Variants in KIAA1549 observed in about 807,000 individuals in gnomAD.
KIAA1549 encodes KIAA1549, also known as UPF0606 protein KIAA1549.
A neutral mutation model predicts 156.4 loss-of-function variants in KIAA1549; 70 were observed. That is an observed-to-expected ratio of 0.45 (90% CI 0.37 to 0.55). The LOEUF (loss-of-function observed/expected upper bound fraction) is 0.55. Among genes scored for constraint, KIAA1549 ranks in the 20% least tolerant of loss-of-function variants. The probability of loss-of-function intolerance (pLI) is 0.00; values close to 1 mark genes in which losing one functional copy is unlikely to be tolerated. For missense variants in KIAA1549, 2,428 were observed against 2,540.9 expected (o/e 0.96, Z 0.96); for synonymous variants, 1,103 against 1,066.4 (o/e 1.03, Z -0.67).
chr7:138,857,404 A>G (rs1014423348), intron 16 of KIAA1549, among the ~76,000 whole-genome samples: 8 of 152,246 alleles, frequency 5.3e-5, no homozygotes, highest in African/African-American at 1.9e-4. Context: ...TAAATCTGCC[A>G]TGATGTACAA....
chr7:138,935,180 T>C (rs1812974752), intron 1 of KIAA1549, among the ~76,000 whole-genome samples: 1 of 152,048 alleles, frequency 6.6e-6, no homozygotes, highest in Non-Finnish European at 1.5e-5. Flanking sequence ...ATACTAATAC[T>C]GCAAGGCTTT....
chr7:138,981,211 C>G lies in KIAA1549; in HGVS notation c.59G>C (p.Gly20Ala). The stretch of plus-strand genomic sequence containing the variant: ...GCTCGGCCCCGGGGCCAGCGCGACC[C>G]CGGCGCGGGGCTTCCCCTCCATGGC... ...GAAMEGKPRAGVALAPGPSGR... is the reference protein window; with the variant it reads ...GAAMEGKPRAAVALAPGPSGR... Residue 20 changes from glycine (G) to alanine (A), a missense_variant, in exon 1 of 20, where the codon GGG (glycine) becomes GCG (alanine). By Grantham distance (60) the Gly-to-Ala change is moderately conservative. Coordinates refer to ENST00000422774, the MANE Select transcript of KIAA1549 (RefSeq NM_001164665.2). This position sits in a 1 kb window ranked among gnomAD's most constrained non-coding sequence, Gnocchi z 4.5. The G allele has an allele frequency of 9.8e-7, 1 of 1,019,826 alleles. No individual in the cohort carries two copies. Among genetic ancestry groups the G allele is most frequent in the Non-Finnish European group, 1.2e-6 (1 of 854,416 alleles). 63.2% of individuals were successfully genotyped at this position (1,019,826 alleles called of 1,614,324 possible). A position where few individuals can be genotyped will look rare whatever the true frequency, so the allele number is the denominator to read the frequency against.
chr7:138,880,217 G>A (rs1472208394), intron 11 of KIAA1549, among the ~76,000 whole-genome samples: 1 of 152,170 alleles, frequency 6.6e-6, no homozygotes, highest in Non-Finnish European at 1.5e-5. Context: ...TGACAATGTG[G>A]AATGCCAAGA....
intron 2 of KIAA1549, among the ~76,000 whole-genome samples, chr7:138,912,898 T>C (rs1489313929): frequency 6.6e-6 from 1 of 152,164 alleles, no homozygotes; most frequent in Non-Finnish European, 1.5e-5. Context: ...CTTTTCTTTT[T>C]GAGACCCGCT....
Position 138,917,196 on chromosome 7 carries a change from A to G in KIAA1549, c.2430T>C (p.Pro810=), listed in dbSNP as rs1223374621. 3.1e-6 allele frequency: 5 copies of G among 1,613,942 alleles called. No homozygotes were observed. The highest frequency in any genetic ancestry group is 2.7e-5 in the African/African-American group (2 of 75,050). ...TESSLFSTLT[P]PDDQISALDG... ...CTAGAGCACTGATTTGGTCGTCAGGAGGTGTCAGAGTTGAGAACAAAGAAG... is the reference window on the plus strand; with the variant it reads ...CTAGAGCACTGATTTGGTCGTCAGGGGGTGTCAGAGTTGAGAACAAAGAAG... Residue 810 remains proline, a synonymous_variant, in exon 2 of 20, where the codon CCT becomes CCC. Coordinates refer to ENST00000422774, the MANE Select transcript of KIAA1549 (RefSeq NM_001164665.2).
Position 138,837,825 on chromosome 7 carries a change from C to A in KIAA1549, c.*81G>T. Reference sequence around the variant, plus strand: ...GCCCGAGAGTTGCTCCTTCCTCTTCCAAACACCCACTCAGTTGATTTCCTT... The same window carrying A: ...GCCCGAGAGTTGCTCCTTCCTCTTCAAAACACCCACTCAGTTGATTTCCTT... On this transcript the variant is annotated 3_prime_UTR_variant, in exon 20 of 20. Transcript: ENST00000422774. The A allele has an allele frequency of 6.7e-7, 1 of 1,498,476 alleles. No homozygotes were observed. The highest frequency in any genetic ancestry group is 1.3e-5 in the South Asian group (1 of 75,412). 92.8% of individuals were successfully genotyped at this position (1,498,476 alleles called of 1,614,324 possible).
At chr7:138,862,845 G>A (rs897397225) in intron 15 of KIAA1549, among the ~76,000 whole-genome samples, 4 of 152,022 alleles carry the variant, frequency 2.6e-5, no homozygotes, top group South Asian at 2.1e-4. Context: ...CAGGAGAATC[G>A]CTTGAACCCA....
chr7:138,861,324 G>A lies in KIAA1549; in HGVS notation c.5062C>T (p.His1688Tyr). ...PSIEEARQTM[H>Y]SLLDDAFALV... is the part of the protein sequence containing the mutation. ...GCAAAGGCGTCGTCCAGGAGGGAGTGCATGGTCTGGCGTGCCTCCTCGATG... is the reference window on the plus strand; with the variant it reads ...GCAAAGGCGTCGTCCAGGAGGGAGTACATGGTCTGGCGTGCCTCCTCGATG... The change falls in exon 16 of 20, where the codon CAC becomes TAC. Residue 1688 changes from histidine to tyrosine, a missense_variant. Physicochemically the swap from His to Tyr is moderately conservative, Grantham distance 83. Coordinates refer to ENST00000422774, the MANE Select transcript of KIAA1549 (RefSeq NM_001164665.2). 1.2e-6 allele frequency: 2 copies of A among 1,608,818 alleles called. No homozygotes were observed. The highest frequency in any genetic ancestry group is 1.7e-6 in the Non-Finnish European group (2 of 1,178,312).
chr7:138,844,831 G>A (rs1810027920), intron 17 of KIAA1549, among the ~76,000 whole-genome samples: 2 of 151,796 alleles, frequency 1.3e-5, no homozygotes, highest in South Asian at 2.1e-4. Context: ...CACCCCAGAC[G>A]AATTGAAACA....
intron 1 of KIAA1549, among the ~76,000 whole-genome samples, chr7:138,949,998 C>T (rs904445543): frequency 1.3e-5 from 2 of 152,226 alleles, no homozygotes; most frequent in African/African-American, 2.4e-5. Context: ...TGCACAGGAA[C>T]AAGTTATCCC....
chr7:138,881,318 C>A, intron 11 of KIAA1549, 70 bp downstream of exon 11: 1 of 1,469,798 alleles, frequency 6.8e-7, no homozygotes, highest in Non-Finnish European at 9.3e-7. Context: ...CCTGTGACAT[C>A]AGAAACTCAC....
At chr7:138,892,238 GAGA>G (rs1811566125) in intron 10 of KIAA1549, among the ~76,000 whole-genome samples, 1 of 152,204 alleles carries the variant, frequency 6.6e-6, no homozygotes. Flanking sequence ...GTAAAAGTGA[GAGA>G]AGGAGAAAGC....
intron 17 of KIAA1549, among the ~76,000 whole-genome samples, chr7:138,848,523 G>A (rs1810144735): frequency 6.6e-6 from 1 of 152,154 alleles, no homozygotes; most frequent in Admixed American, 6.5e-5. Flanking sequence ...ATCCAATGTG[G>A]TTGTAATATG....
intron 12 of KIAA1549, among the ~76,000 whole-genome samples, chr7:138,879,312 G>A (rs1030523222): frequency 2.6e-5 from 4 of 152,280 alleles, no homozygotes; most frequent in African/African-American, 7.2e-5. Flanking sequence ...AGAGTGAAGC[G>A]AGGCTATTAA....
At chr7:138,927,182 T>C (rs184113780) in intron 1 of KIAA1549, among the ~76,000 whole-genome samples, 56 of 152,368 alleles carry the variant, frequency 3.7e-4, no homozygotes, top group African/African-American at 1.3e-3. Context: ...TTCCACCATA[T>C]GAATAGACCA....
chr7:138,877,942 T>C (rs1009618395), intron 12 of KIAA1549, among the ~76,000 whole-genome samples: 2 of 152,018 alleles, frequency 1.3e-5, no homozygotes, highest in African/African-American at 4.8e-5. Flanking sequence ...GAAAGTAAGG[T>C]TTTCTCAGAT....
intron 16 of KIAA1549, among the ~76,000 whole-genome samples, chr7:138,854,784 A>G (rs1423579856): frequency 6.6e-6 from 1 of 152,210 alleles, no homozygotes. Context: ...TTTATTAAAA[A>G]AATCTTACTA....
intron 16 of KIAA1549, among the ~76,000 whole-genome samples, chr7:138,854,276 T>C (rs1377969169): frequency 6.6e-6 from 1 of 152,188 alleles, no homozygotes; most frequent in East Asian, 1.9e-4. Context: ...TGGTAGAGTC[T>C]GGGATAGGCC....
intron 12 of KIAA1549, among the ~76,000 whole-genome samples, chr7:138,874,114 T>C (rs926343764): frequency 1.3e-5 from 2 of 148,918 alleles, no homozygotes; most frequent in African/African-American, 2.4e-5. Flanking sequence ...ATAATATATA[T>C]TATTGTTTGC....
Sources: gnomAD v4.1 joint callset for allele counts (sites outside exome capture counted in the v4.1 genomes callset) on GRCh38, gnomAD v4.1.1 for gene constraint, Gnocchi (gnomAD v3.1) non-coding constraint, MANE v1.5 for transcripts, NCBI Gene and HGNC (gene_info 2026-07-23, HGNC 2026-07-21) for gene names.